The following NPAS3 variants were observed in gnomAD, a reference collection of about 807,000 sequenced individuals.
NPAS3 encodes the protein neuronal PAS domain-containing protein 3.
A neutral mutation model predicts 73.1 loss-of-function variants in NPAS3; 14 were observed. That is an observed-to-expected ratio of 0.19 (90% confidence interval 0.13 to 0.30). The LOEUF (loss-of-function observed/expected upper bound fraction) is 0.30, where lower values mean the gene tolerates loss of function less well. NPAS3 is among the 10% of genes least tolerant of loss of function. NPAS3 has a pLI of 1.00. For missense variants in NPAS3, 1,096 were observed against 1,250.0 expected (o/e 0.88, Z 1.86); for synonymous variants, 620 against 541.5 (o/e 1.14, Z -2.01).
chr14:33,548,054 A>T (rs2054928961), intron 4 of NPAS3, among the ~76,000 whole-genome samples: 2 of 152,248 alleles, frequency 1.3e-5, no homozygotes, highest in Admixed American at 6.5e-5. Context: ...CGGAGGGCCA[A>T]GTGAAAAAAT....
At chr14:33,682,137 C>T (rs1323700143) in intron 6 of NPAS3, among the ~76,000 whole-genome samples, 5 of 152,164 alleles carry the variant, frequency 3.3e-5, no homozygotes, top group African/African-American at 1.2e-4. Context: ...ACTGTAAACA[C>T]ACATTTAATT....
intron 3 of NPAS3, among the ~76,000 whole-genome samples, chr14:33,352,716 T>G (rs2045127990): frequency 2.0e-5 from 3 of 152,190 alleles, no homozygotes; most frequent in East Asian, 3.8e-4. Context: ...TGATGGATAT[T>G]GTAGAGGACA....
At chr14:33,700,990 G>A (rs755839122) in intron 6 of NPAS3, among the ~76,000 whole-genome samples, 33 of 152,338 alleles carry the variant, frequency 2.2e-4, no homozygotes, top group Admixed American at 3.9e-4. Flanking sequence ...GACTTTAGTG[G>A]AGCTTATAGG....
intron 4 of NPAS3, among the ~76,000 whole-genome samples, chr14:33,434,282 T>C (rs1324976852): frequency 1.3e-5 from 2 of 152,072 alleles, no homozygotes; most frequent in Non-Finnish European, 2.9e-5. Flanking sequence ...ATCCCAGCAC[T>C]TTGGGAGGCC....
intron 7 of NPAS3, among the ~76,000 whole-genome samples, chr14:33,756,099 C>T (rs7153506): frequency 0.36 from 55,102 of 152,078 alleles, 13,828 homozygotes; most frequent in African/African-American, 0.71. Context: ...ATACCCAAAC[C>T]ATAGCAATTA....
upstream of NPAS3, among the ~76,000 whole-genome samples, chr14:32,938,517 G>GAAAT (rs1314096102): frequency 1.6e-5 from 2 of 123,834 alleles, no homozygotes; most frequent in African/African-American, 6.7e-5. Context: ...GAGAGAGAGA[G>GAAAT]AGAGAGAAGG....
At chr14:33,060,343 A>G (rs1422406560) in intron 2 of NPAS3, among the ~76,000 whole-genome samples, 1 of 152,188 alleles carries the variant, frequency 6.6e-6, no homozygotes, top group African/African-American at 2.4e-5. Context: ...TTTAGAAAAG[A>G]TGGAGTGAGT....
chr14:33,021,719 G>A (rs999865393), intron 1 of NPAS3, among the ~76,000 whole-genome samples: 3 of 151,806 alleles, frequency 2.0e-5, no homozygotes, highest in Admixed American at 2.0e-4. Flanking sequence ...CAGCACTTTT[G>A]GTCTTTTTAT....
At position 33,799,890 on chromosome 14, in the gene NPAS3, G is replaced by C. The variant is rs775805879; in HGVS notation, c.1583G>C (p.Ser528Thr). Residue 528 changes from serine to threonine, a missense_variant, in exon 12 of 12, where the codon AGC becomes ACC. By Grantham distance (58) the Ser-to-Thr change is moderately conservative. Transcript: ENST00000356141. Reference sequence around the variant, plus strand: ...TCCAGTAACCCGGACAGCCGCGACAGCGACGACAGCTTCGAGCACTCGGAC... The same window carrying C: ...TCCAGTAACCCGGACAGCCGCGACACCGACGACAGCTTCGAGCACTCGGAC... The C allele has an allele frequency of 9.3e-6, 15 of 1,614,092 alleles. No individual in the cohort carries two copies. In the East Asian group the frequency reaches 3.3e-4, roughly 36 times the overall value.
intron 1 of NPAS3, among the ~76,000 whole-genome samples, chr14:33,004,484 G>T (rs80308252): frequency 9.8e-4 from 149 of 152,280 alleles, no homozygotes; most frequent in African/African-American, 3.5e-3. Context: ...GGCACTTACT[G>T]TGAATGGAGC....
chr14:33,266,198 G>A (rs2139987614), intron 3 of NPAS3, among the ~76,000 whole-genome samples: 1 of 152,212 alleles, frequency 6.6e-6, no homozygotes, highest in South Asian at 2.1e-4. Flanking sequence ...CTAAAACAAT[G>A]TAAAGGATGA....
intron 6 of NPAS3, among the ~76,000 whole-genome samples, chr14:33,707,179 A>G (rs183604141): frequency 1.3e-3 from 191 of 152,330 alleles, no homozygotes; most frequent in African/African-American, 4.1e-3. Context: ...ATTTCTAAGG[A>G]GCAGAGGAGT....
At chr14:33,492,835 A>G (rs1185196357) in intron 4 of NPAS3, among the ~76,000 whole-genome samples, 1 of 152,150 alleles carries the variant, frequency 6.6e-6, no homozygotes, top group Non-Finnish European at 1.5e-5. Flanking sequence ...CACCATGGCA[A>G]TGATGGCAGG....
intron 5 of NPAS3, among the ~76,000 whole-genome samples, chr14:33,619,585 C>G (rs2058021893): frequency 6.6e-6 from 1 of 152,196 alleles, no homozygotes; most frequent in South Asian, 2.1e-4. Flanking sequence ...GGAGCCTTCT[C>G]TGTGTGTATA....
intron 6 of NPAS3, among the ~76,000 whole-genome samples, chr14:33,729,726 G>T (rs1372335914): frequency 6.6e-6 from 1 of 152,122 alleles, no homozygotes; most frequent in African/African-American, 2.4e-5. Context: ...GGAGGGAGCT[G>T]CTGTGCTAAT....
intron 5 of NPAS3, among the ~76,000 whole-genome samples, chr14:33,577,919 C>CCG (rs1555415842): frequency 1.3e-5 from 2 of 152,160 alleles, no homozygotes; most frequent in East Asian, 3.9e-4. Flanking sequence ...CGAATCCTCC[C>CCG]CCCAATTCCA....
intron 4 of NPAS3, among the ~76,000 whole-genome samples, chr14:33,416,520 A>G (rs2048155898): frequency 6.6e-6 from 1 of 152,064 alleles, no homozygotes; most frequent in Admixed American, 6.6e-5. Flanking sequence ...CAGTCTTTGA[A>G]TAATTAAAAC....
intron 1 of NPAS3, among the ~76,000 whole-genome samples, chr14:32,990,535 T>G (rs2038288210): frequency 6.6e-6 from 1 of 152,150 alleles, no homozygotes; most frequent in Non-Finnish European, 1.5e-5. Flanking sequence ...GTTTTAGTAA[T>G]AATGGAAGGC....
At chr14:33,781,330 T>A (rs767788844) in intron 9 of NPAS3, among the ~76,000 whole-genome samples, 1 of 152,224 alleles carries the variant, frequency 6.6e-6, no homozygotes, top group Non-Finnish European at 1.5e-5. Context: ...AACATTAACA[T>A]CATTATAAAG....
Sources: gnomAD v4.1 joint callset for allele counts (sites outside exome capture counted in the v4.1 genomes callset) on GRCh38, gnomAD v4.1.1 for gene constraint, MANE v1.5 for transcripts, NCBI Gene and HGNC (gene_info 2026-07-23, HGNC 2026-07-21) for gene names.